Variants in TMEM117 observed in about 807,000 individuals in gnomAD.
TMEM117 encodes transmembrane protein 117.
In TMEM117, 27 loss-of-function variants were observed where a neutral mutation model predicts 52.4. That is an observed-to-expected ratio of 0.51 (90% CI 0.38 to 0.71). TMEM117 has a LOEUF of 0.71. Among genes scored for constraint, TMEM117 ranks in the 30% least tolerant of loss-of-function variants. The pLI, the probability that TMEM117 is intolerant of heterozygous loss-of-function variation, is 0.00. For missense variants in TMEM117, 556 were observed against 630.5 expected (o/e 0.88, Z 1.26); for synonymous variants, 215 against 206.3 (o/e 1.04, Z -0.36).
At chr12:44,020,432 A>G (rs949717833) in intron 3 of TMEM117, among the ~76,000 whole-genome samples, 5 of 152,206 alleles carry the variant, frequency 3.3e-5, no homozygotes, top group African/African-American at 1.2e-4. Flanking sequence ...TCAAGAACTC[A>G]GTTTGAGCCA....
intron 2 of TMEM117, among the ~76,000 whole-genome samples, chr12:43,866,305 T>C (rs1267229649): frequency 6.6e-6 from 1 of 150,908 alleles, no homozygotes; most frequent in Non-Finnish European, 1.5e-5. Flanking sequence ...AGCCAACATA[T>C]ACTTACAAAA....
chr12:44,257,163 A>G (rs1194468166), intron 5 of TMEM117, among the ~76,000 whole-genome samples: 1 of 151,584 alleles, frequency 6.6e-6, no homozygotes, highest in African/African-American at 2.4e-5. Flanking sequence ...AGAAAGAGGC[A>G]GAGAGAAGGA....
chr12:44,362,846 A>C (rs75870633), intron 6 of TMEM117, among the ~76,000 whole-genome samples: 2 of 125,920 alleles, frequency 1.6e-5, no homozygotes, highest in African/African-American at 6.0e-5. Flanking sequence ...TTTTTTTTTT[A>C]TTTTTTTGGT....
intron 3 of TMEM117, among the ~76,000 whole-genome samples, chr12:43,988,385 T>A (rs565655385): frequency 6.6e-6 from 1 of 152,142 alleles, no homozygotes; most frequent in Admixed American, 6.6e-5. Context: ...TATGTCCATA[T>A]ATATCACACA....
intron 3 of TMEM117, among the ~76,000 whole-genome samples, chr12:44,054,732 T>C (rs1416478140): frequency 6.6e-6 from 1 of 151,564 alleles, no homozygotes; most frequent in Non-Finnish European, 1.5e-5. Flanking sequence ...TTCTTCCTCA[T>C]CTTCATTTTC....
chr12:43,934,661 T>C (rs952538769), intron 2 of TMEM117, among the ~76,000 whole-genome samples: 2 of 152,170 alleles, frequency 1.3e-5, no homozygotes, highest in African/African-American at 4.8e-5. Context: ...TTATATGAGA[T>C]TGTATCTCAA....
chr12:44,344,724 C>T (rs1406788227), intron 6 of TMEM117, among the ~76,000 whole-genome samples: 2 of 152,024 alleles, frequency 1.3e-5, no homozygotes, highest in Non-Finnish European at 2.9e-5. Flanking sequence ...TGTCAGTAAA[C>T]TGTTGGGGAC....
At chr12:44,199,344 A>G (rs1949462156) in intron 4 of TMEM117, among the ~76,000 whole-genome samples, 1 of 152,202 alleles carries the variant, frequency 6.6e-6, no homozygotes. Context: ...ATTTCAAAGC[A>G]TATGTTAAAT....
At chr12:44,175,697 TGAA>T (rs1195338233) in intron 4 of TMEM117, among the ~76,000 whole-genome samples, 2 of 151,998 alleles carry the variant, frequency 1.3e-5, no homozygotes, top group African/African-American at 4.8e-5. Flanking sequence ...TTTTGTCAAA[TGAA>T]GAAGGTAGAG....
In TMEM117 at chr12:44,388,545, T is replaced by G; in HGVS notation, c.1418T>G (p.Phe473Cys). ...TCTTTGGTTTGCATCAGGTCTGACT[T>G]CAATGAGATCGTCTACAAGTCTTCC... ...DPSLVCIRSDFNEIVYKSSHL... is the reference protein window; with the variant it reads ...DPSLVCIRSDCNEIVYKSSHL... Residue 473 changes from phenylalanine to cysteine, a missense_variant, in exon 8 of 8, where the codon TTC (phenylalanine) becomes TGC (cysteine). Physicochemically the swap from Phe to Cys is radical, Grantham distance 205 (BLOSUM62 -2). This residue lies in a region of TMEM117 where 206 missense variants were observed against 211.1 expected (regional missense o/e 0.98). Coordinates refer to ENST00000266534, the MANE Select transcript of TMEM117 (RefSeq NM_032256.3). 1 of 1,613,532 alleles carries G rather than the reference T, an allele frequency of 6.2e-7. No homozygotes were observed. The highest frequency in any genetic ancestry group is 8.5e-7 in the Non-Finnish European group (1 of 1,179,616).
chr12:43,905,158 A>AAT (rs1944365128), intron 2 of TMEM117, among the ~76,000 whole-genome samples: 4 of 150,218 alleles, frequency 2.7e-5, no homozygotes, highest in Non-Finnish European at 4.4e-5. Context: ...AAAAAAAAAA[A>AAT]TGTTTTTGAG....
In TMEM117 at chr12:43,996,631, A is replaced by G. The variant is rs569352898; in HGVS notation, c.410+52289A>G. Among the ~76,000 whole-genome samples, 171 of 132,822 alleles carry G rather than the reference A, an allele frequency of 1.3e-3. 2 individuals are homozygous for G. Among genetic ancestry groups the G allele is most frequent in the Middle Eastern group, 0.011 (3 of 276 alleles). 87.1% of individuals were successfully genotyped at this position (132,822 alleles called of 152,430 possible). A position where few individuals can be genotyped will look rare whatever the true frequency, so the allele number is the denominator to read the frequency against. On this transcript the variant is annotated intron_variant, in intron 3 of 7. Transcript: ENST00000266534. Reference sequence around the variant, plus strand: ...GCACTCCAGCCTGGGCCACAGAGCAAGACTCCATCTCAATAAATAAATAAA... The same window carrying G: ...GCACTCCAGCCTGGGCCACAGAGCAGGACTCCATCTCAATAAATAAATAAA...
In TMEM117 at chr12:44,294,716, C is replaced by G. The variant is rs1414131725; in HGVS notation, c.609-4864C>G. Among the ~76,000 whole-genome samples the G allele has an allele frequency of 2.6e-5, 4 of 152,280 alleles. No homozygotes were observed. In the South Asian group the frequency reaches 8.3e-4, roughly 32 times the overall value. On this transcript the variant is annotated intron_variant, in intron 5 of 7. Transcript: ENST00000266534. ...AACACAAACTGCAATACCACACAGT[C>G]AATCTGATAACAGATGGCTACTAAG...
Position 44,388,856 on chromosome 12 carries a change from G to C in TMEM117, c.*184G>C, listed in dbSNP as rs1292232676. ...TTTCTATTTGTATTATAATACACGT[G>C]CCTACTGTATACTCAACAGTCCTCT... On this transcript the variant is annotated 3_prime_UTR_variant, in exon 8 of 8. Transcript: ENST00000266534. 9.0e-6 allele frequency: 6 copies of C among 668,672 alleles called. No individual in the cohort carries two copies. Among genetic ancestry groups the C allele is most frequent in the Non-Finnish European group, 1.5e-5 (6 of 404,228 alleles). 41.4% of individuals were successfully genotyped at this position (668,672 alleles called of 1,614,324 possible).
chr12:43,809,681 G>C, the TMEM117 span, among the ~76,000 whole-genome samples: 2 of 152,118 alleles, frequency 1.3e-5, no homozygotes, highest in African/African-American at 4.8e-5. Flanking sequence ...CAATATCGCT[G>C]GGCCCTGTGA....
At chr12:43,827,736 C>T in the TMEM117 span, among the ~76,000 whole-genome samples, 1 of 152,000 alleles carries the variant, frequency 6.6e-6, no homozygotes, top group Non-Finnish European at 1.5e-5. Context: ...AGTGTCCTGC[C>T]CCCCACCCAA....
At chr12:44,341,063 G>C (rs1156867440) in intron 6 of TMEM117, among the ~76,000 whole-genome samples, 1 of 151,906 alleles carries the variant, frequency 6.6e-6, no homozygotes, top group African/African-American at 2.4e-5. Context: ...GCAGTGGCAT[G>C]ATCACAGCTC....
intron 6 of TMEM117, among the ~76,000 whole-genome samples, chr12:44,365,273 A>C (rs1951774821): frequency 6.6e-6 from 1 of 152,006 alleles, no homozygotes; most frequent in African/African-American, 2.4e-5. Flanking sequence ...TTCCCTCCCC[A>C]GGTGCTCCAG....
chr12:44,201,452 C>CA (rs1332779470), intron 4 of TMEM117, among the ~76,000 whole-genome samples: 1 of 151,926 alleles, frequency 6.6e-6, no homozygotes, highest in Admixed American at 6.6e-5. Context: ...GATAAGATTC[C>CA]AAAAAGACTG....
Sources: allele counts gnomAD v4.1 joint callset (sites outside exome capture counted in the v4.1 genomes callset), GRCh38; gene constraint gnomAD v4.1.1; regional missense constraint gnomAD v4.1.1; transcripts MANE v1.5; gene names NCBI Gene and HGNC (gene_info 2026-07-23, HGNC 2026-07-21).